KAT7: variants seen among roughly 807,000 people sequenced by gnomAD.
KAT7 encodes the protein histone acetyltransferase KAT7.
A neutral mutation model predicts 82.1 loss-of-function variants in KAT7; 10 were observed. That is an observed-to-expected ratio of 0.12 (90% confidence interval 0.08 to 0.21). KAT7 has a LOEUF of 0.21. Ranked by LOEUF, KAT7 falls within the 10% of genes least tolerant of loss-of-function variation. KAT7 has a pLI of 1.00. For synonymous variants in KAT7, 250 were observed against 262.5 expected (o/e 0.95, Z 0.46); for missense variants, 378 against 760.9 (o/e 0.50, Z 5.92).
intron 9 of KAT7, 128 bp downstream of exon 9, chr17:49,818,139 T>C: frequency 4.3e-6 from 3 of 703,288 alleles, no homozygotes; most frequent in South Asian, 1.9e-5. Flanking sequence ...GATGAAGGCA[T>C]AGGAAATGAC....
chr17:49,821,932 AGG>A, intron 11 of KAT7, 142 bp downstream of exon 11: 14 of 671,200 alleles, frequency 2.1e-5, no homozygotes, highest in Non-Finnish European at 3.5e-5. Flanking sequence ...AAAAAAAAAA[AGG>A]CAAACCCATG....
chr17:49,803,715 C>T (rs1271386872), intron 4 of KAT7, among the ~76,000 whole-genome samples: 4 of 152,056 alleles, frequency 2.6e-5, no homozygotes, highest in African/African-American at 4.8e-5. Flanking sequence ...TGAGCCACTG[C>T]GCCCGGCCTA....
intron 12 of KAT7, chr17:49,824,717 G>A (rs1567865617): frequency 6.6e-6 from 1 of 152,132 alleles, no homozygotes; most frequent in Non-Finnish European, 1.5e-5. Context: ...TGACATAAGA[G>A]GGGAACTATA....
rs572309225 is a variant in KAT7, at chr17:49,815,494, C to A, written c.853-309C>A. 49 of 216,878 alleles carry A rather than the reference C, an allele frequency of 2.3e-4. No homozygotes were observed. In the South Asian group the frequency reaches 7.6e-3, roughly 34 times the overall value. The allele number at this position is 216,878 out of a possible 1,614,324, so 13.4% of individuals were successfully genotyped here. A position where few individuals can be genotyped will look rare whatever the true frequency, so the allele number is the denominator to read the frequency against. On this transcript the variant is annotated intron_variant, in intron 7 of 14. Coordinates refer to ENST00000259021, the MANE Select transcript of KAT7 (RefSeq NM_007067.5). ...GTTGTACTTTATTTATTTGTACTGTCATGTAAATTTTTACATGAAGGAACA... is the reference window on the plus strand; with the variant it reads ...GTTGTACTTTATTTATTTGTACTGTAATGTAAATTTTTACATGAAGGAACA...
intron 5 of KAT7, 107 bp downstream of exon 5, chr17:49,805,552 C>G (rs925560895): frequency 6.1e-6 from 4 of 653,804 alleles, no homozygotes; most frequent in Non-Finnish European, 1.1e-5. Flanking sequence ...GGGTAGGGTC[C>G]TTGTTCTTAC....
At chr17:49,799,449 C>T (rs1206428518) in intron 4 of KAT7, among the ~76,000 whole-genome samples, 1 of 151,152 alleles carries the variant, frequency 6.6e-6, no homozygotes, top group African/African-American at 2.4e-5. Flanking sequence ...GGTGTGATCT[C>T]GGCTCACTGC....
chr17:49,810,095 C>T (rs1243223484), intron 6 of KAT7, among the ~76,000 whole-genome samples: 2 of 152,108 alleles, frequency 1.3e-5, no homozygotes, highest in Non-Finnish European at 2.9e-5. Flanking sequence ...GTCAACTAAC[C>T]TATTTCTTTG....
At chr17:49,794,730 G>C (rs962121069) in intron 2 of KAT7, among the ~76,000 whole-genome samples, 1 of 152,228 alleles carries the variant, frequency 6.6e-6, no homozygotes, top group Admixed American at 6.5e-5. Flanking sequence ...CTAGACACCT[G>C]AAAACTAAAT....
At position 49,827,852 on chromosome 17, in the gene KAT7, G is replaced by A. The variant is rs182659062; in HGVS notation, c.*350G>A. On this transcript the variant is annotated 3_prime_UTR_variant, in exon 15 of 15. Transcript: ENST00000259021. ...TGAGGTTGTGTTGTGTCTTCTAAGCGTGGTACTAGTGCTTGCCACCTGGTC... is the reference window on the plus strand; with the variant it reads ...TGAGGTTGTGTTGTGTCTTCTAAGCATGGTACTAGTGCTTGCCACCTGGTC... 80 of 210,936 alleles carry A rather than the reference G, an allele frequency of 3.8e-4. No homozygotes were observed. Among genetic ancestry groups the A allele is most frequent in the Non-Finnish European group, 2.6e-4 (27 of 105,826 alleles). 13.1% of individuals were successfully genotyped at this position (210,936 alleles called of 1,614,324 possible).
intron 6 of KAT7, among the ~76,000 whole-genome samples, chr17:49,811,100 G>A (rs1185349622): frequency 6.6e-6 from 1 of 151,212 alleles, no homozygotes; most frequent in Non-Finnish European, 1.5e-5. Flanking sequence ...TACATGTTTT[G>A]GTACCTTCTT....
At chr17:49,817,569 C>T (rs374083718) in intron 8 of KAT7, among the ~76,000 whole-genome samples, 2 of 152,138 alleles carry the variant, frequency 1.3e-5, no homozygotes, top group African/African-American at 4.8e-5. Flanking sequence ...GCCTCTTGGG[C>T]GATTCTTCTG....
At chr17:49,791,193 G>A (rs1012337799) in intron 1 of KAT7, among the ~76,000 whole-genome samples, 8 of 152,300 alleles carry the variant, frequency 5.3e-5, no homozygotes, top group Non-Finnish European at 8.8e-5. Context: ...TTTTGAGATA[G>A]TGTATGGTTT....
At chr17:49,793,192 C>T (rs1399303444) in intron 2 of KAT7, among the ~76,000 whole-genome samples, 4 of 152,186 alleles carry the variant, frequency 2.6e-5, no homozygotes, top group Admixed American at 2.6e-4. Flanking sequence ...AGTCAAGGAG[C>T]ATCTGTAGTC....
In KAT7 at chr17:49,826,020, G is replaced by A. The variant is rs776073280; in HGVS notation, c.1501G>A (p.Glu501Lys). Residue 501 changes from glutamate to lysine, a missense_variant, in exon 13 of 15, where the codon GAA (glutamate) becomes AAA (lysine). Physicochemically the swap from Glu to Lys is moderately conservative, Grantham distance 56. Around this residue, in one of 6 missense-constraint regions of KAT7, gnomAD observed 20 missense variants for 142.4 expected, o/e 0.14. Coordinates refer to ENST00000259021, the MANE Select transcript of KAT7 (RefSeq NM_007067.5). ...GGCAGGTTATTTGCTTTCCAAAGTC[G>A]AAGAAAAAGTTGGCTCCCCAGAACG... is the stretch of plus-strand genomic sequence containing the variant. Reference protein sequence around the residue: ...IDFSYLLSKVEEKVGSPERPL... With the variant: ...IDFSYLLSKVKEKVGSPERPL... 1 of 1,610,746 alleles carries A rather than the reference G, an allele frequency of 6.2e-7. No individual in the cohort carries two copies. Among genetic ancestry groups the A allele is most frequent in the Non-Finnish European group, 8.5e-7 (1 of 1,177,558 alleles).
intron 2 of KAT7, among the ~76,000 whole-genome samples, chr17:49,792,647 T>G (rs910325372): frequency 6.6e-6 from 1 of 152,192 alleles, no homozygotes; most frequent in African/African-American, 2.4e-5. Flanking sequence ...CCAGTACTCT[T>G]CAGTGTACTG....
rs146229388 is a variant in KAT7 at position 49,799,520 on chromosome 17, A to G, written c.580+962A>G. ...TTCAACCTCCTGAGTAGTTGGGATT[A>G]CAGATGCCCACAACCACACCTAACT... is the stretch of plus-strand genomic sequence containing the variant. On this transcript the variant is annotated intron_variant, in intron 4 of 14. Transcript: ENST00000259021. 8.5e-3 allele frequency among the ~76,000 whole-genome samples: 1,289 copies of G among 152,206 alleles called. 11 individuals carry two copies. The highest frequency in any genetic ancestry group is 0.012 in the African/African-American group (518 of 41,520).
rs1286248421 is a variant in KAT7, at chr17:49,823,234, C to T, written c.1419C>T (p.Ser473=). Residue 473 remains serine, a synonymous_variant, in exon 12 of 15, where the codon TCC becomes TCT. Coordinates refer to ENST00000259021, the MANE Select transcript of KAT7 (RefSeq NM_007067.5). ...ATTCATTCCTCAACTACAACGTCTC[C>T]TGTATCCTTACTATGCCTCAGTACA... The part of the protein sequence containing the change: ...EKNSFLNYNV[S]CILTMPQYMR... 6.2e-7 allele frequency: 1 copy of T among 1,603,956 alleles called. No homozygotes were observed. Among genetic ancestry groups the T allele is most frequent in the Non-Finnish European group, 8.5e-7 (1 of 1,171,166 alleles).
chr17:49,793,859 C>T (rs936535971), intron 2 of KAT7, among the ~76,000 whole-genome samples: 1 of 152,160 alleles, frequency 6.6e-6, no homozygotes, highest in Non-Finnish European at 1.5e-5. Context: ...GCATGAGCCA[C>T]CGCGCCCTGC....
intron 2 of KAT7, among the ~76,000 whole-genome samples, chr17:49,794,483 ACC>A (rs2073929679): frequency 6.6e-6 from 1 of 152,128 alleles, no homozygotes; most frequent in Admixed American, 6.5e-5. Context: ...ACAGGGTTTC[ACC>A]GTGTTGTCCA....
Sources: allele counts gnomAD v4.1 joint callset (sites outside exome capture counted in the v4.1 genomes callset), GRCh38; gene constraint gnomAD v4.1.1; regional missense constraint gnomAD v4.1.1; transcripts MANE v1.5; gene names NCBI Gene and HGNC (gene_info 2026-07-23, HGNC 2026-07-21).